PPP2R2B: variants seen among roughly 807,000 people sequenced by gnomAD.
PPP2R2B encodes protein phosphatase 2 regulatory subunit Bbeta.
In PPP2R2B, 5 loss-of-function variants were observed where a neutral mutation model predicts 46.0. That is an observed-to-expected ratio of 0.11 (90% confidence interval 0.06 to 0.23). PPP2R2B has a LOEUF of 0.23. Among genes scored for constraint, PPP2R2B ranks in the 10% least tolerant of loss-of-function variants. The pLI, the probability that PPP2R2B is intolerant of heterozygous loss-of-function variation, is 1.00. For synonymous variants in PPP2R2B, 215 were observed against 206.7 expected, an observed-to-expected ratio of 1.04 and a Z score of -0.34; for missense variants, 367 against 575.0, an observed-to-expected ratio of 0.64 and a Z score of 3.70.
chr5:146,670,056 T>C (rs1226859420), intron 5 of PPP2R2B, among the ~76,000 whole-genome samples: 1 of 152,186 alleles, frequency 6.6e-6, no homozygotes, highest in East Asian at 1.9e-4. Flanking sequence ...CACTTTTATA[T>C]CTTTCAGGTT....
intron 2 of PPP2R2B, among the ~76,000 whole-genome samples, chr5:146,745,817 G>T (rs1037567485): frequency 6.6e-6 from 1 of 152,144 alleles, no homozygotes; most frequent in Non-Finnish European, 1.5e-5. Context: ...AATCAGCCAG[G>T]CATGGTGGTG....
chr5:146,931,960 A>C (rs1372687016), intron 1 of PPP2R2B, among the ~76,000 whole-genome samples: 1 of 152,118 alleles, frequency 6.6e-6, no homozygotes, highest in African/African-American at 2.4e-5. Context: ...GATTCCCCCA[A>C]CCTCCAGCAG....
chr5:146,972,603 T>G (rs2151849253), intron 1 of PPP2R2B, among the ~76,000 whole-genome samples: 1 of 152,052 alleles, frequency 6.6e-6, no homozygotes, highest in East Asian at 1.9e-4. Context: ...TCCCAGCTAC[T>G]CAAGAGGCTG....
chr5:146,934,761 CTT>C (rs35055298), intron 1 of PPP2R2B, among the ~76,000 whole-genome samples: 4 of 144,852 alleles, frequency 2.8e-5, no homozygotes, highest in South Asian at 2.2e-4. Context: ...AGACCAAACT[CTT>C]TTTTTTTTTG....
chr5:147,019,833 G>T (rs1019919294), intron 1 of PPP2R2B, among the ~76,000 whole-genome samples: 3 of 152,152 alleles, frequency 2.0e-5, no homozygotes, highest in African/African-American at 7.2e-5. Context: ...GCCTTTCTCA[G>T]CCTCCGAGGC....
intron 2 of PPP2R2B, among the ~76,000 whole-genome samples, chr5:147,074,454 G>A (rs1188832138): frequency 1.3e-5 from 2 of 152,162 alleles, no homozygotes; most frequent in African/African-American, 2.4e-5. Flanking sequence ...GATCTGTGGG[G>A]TGAAGTTATA....
At chr5:147,039,644 T>C (rs1032588751) in intron 1 of PPP2R2B, among the ~76,000 whole-genome samples, 1 of 152,192 alleles carries the variant, frequency 6.6e-6, no homozygotes, top group Admixed American at 6.5e-5. Flanking sequence ...GAGGACCAAT[T>C]TGAAGGCAAC....
intron 2 of PPP2R2B, among the ~76,000 whole-genome samples, chr5:146,719,894 T>G (rs1780701393): frequency 6.6e-6 from 1 of 152,098 alleles, no homozygotes; most frequent in Non-Finnish European, 1.5e-5. Flanking sequence ...AAGCTGGCAT[T>G]CCCATATGGC....
intron 2 of PPP2R2B, among the ~76,000 whole-genome samples, chr5:146,726,779 C>T (rs1043482174): frequency 5.5e-4 from 84 of 152,240 alleles, no homozygotes; most frequent in African/African-American, 2.0e-3. Flanking sequence ...GTCTCTTTTG[C>T]TGTATAAATT....
chr5:146,851,878 C>A (rs1004836050), intron 2 of PPP2R2B, among the ~76,000 whole-genome samples: 1 of 151,712 alleles, frequency 6.6e-6, no homozygotes, highest in Admixed American at 6.6e-5. Flanking sequence ...GAAAATCTTA[C>A]GACATCTGTG....
intron 2 of PPP2R2B, among the ~76,000 whole-genome samples, chr5:146,832,330 G>A (rs1758992469): frequency 7.0e-6 from 1 of 143,640 alleles, no homozygotes; most frequent in Non-Finnish European, 1.5e-5. Flanking sequence ...AGTCCTGAAA[G>A]CTCCATTCAT....
At chr5:146,650,756 A>G in intron 5 of PPP2R2B, 32 bp from the exon 6 acceptor site, 2 of 1,590,242 alleles carry the variant, frequency 1.3e-6, no homozygotes. Flanking sequence ...TCACTTCAGA[A>G]CCAAAGATCT....
At chr5:146,820,245 T>C (rs5006710) in intron 2 of PPP2R2B, among the ~76,000 whole-genome samples, 9,154 of 152,272 alleles carry the variant, frequency 0.06, 807 homozygotes, top group East Asian at 0.42. Context: ...TGAGGTGATA[T>C]GTTAATTACC....
At chr5:147,022,580 T>G (rs1755334431) in intron 1 of PPP2R2B, among the ~76,000 whole-genome samples, 1 of 151,314 alleles carries the variant, frequency 6.6e-6, no homozygotes, top group Admixed American at 6.6e-5. Context: ...CCAAATTTAA[T>G]AAGAAAATAA....
chr5:146,746,907 A>G (rs996872716), intron 2 of PPP2R2B, among the ~76,000 whole-genome samples: 3 of 152,168 alleles, frequency 2.0e-5, no homozygotes, highest in African/African-American at 7.2e-5. Flanking sequence ...GGCCAACCTA[A>G]CAAGTTCATA....
At chr5:146,642,887 T>C (rs1173825752) in intron 6 of PPP2R2B, among the ~76,000 whole-genome samples, 2 of 152,150 alleles carry the variant, frequency 1.3e-5, no homozygotes, top group South Asian at 2.1e-4. Flanking sequence ...TGAAACCCTA[T>C]CTCTACCAAA....
At chr5:146,827,272 T>C (rs951202752) in intron 2 of PPP2R2B, among the ~76,000 whole-genome samples, 8 of 152,220 alleles carry the variant, frequency 5.3e-5, no homozygotes, top group Non-Finnish European at 8.8e-5. Flanking sequence ...GTGAATTTAT[T>C]TTATTTCAGA....
rs111365841 is a variant in PPP2R2B, at chr5:146,762,325, T to G, written c.71-61183A>C. On this transcript the variant is annotated intron_variant, in intron 2 of 9. Coordinates refer to ENST00000394411, the MANE Select transcript of PPP2R2B (RefSeq NM_181675.4). ...CTTGAATTCACTCACTTCAGCATTC[T>G]CTGAAGGCATCAGTTTCCCCATCTA... 8.9e-3 allele frequency among the ~76,000 whole-genome samples: 1,360 copies of G among 152,320 alleles called. 28 individuals carry two copies. Among genetic ancestry groups the G allele is most frequent in the African/African-American group, 0.031 (1,302 of 41,562 alleles).
chr5:147,051,832 G>A (rs759398011), intron 1 of PPP2R2B, among the ~76,000 whole-genome samples: 16 of 130,454 alleles, frequency 1.2e-4, no homozygotes, highest in South Asian at 2.4e-4. Context: ...GTGTGATCTC[G>A]GCTCACTGCA....
Sources: gnomAD v4.1 joint callset for allele counts (sites outside exome capture counted in the v4.1 genomes callset) on GRCh38, gnomAD v4.1.1 for gene constraint, MANE v1.5 for transcripts, NCBI Gene and HGNC (gene_info 2026-07-23, HGNC 2026-07-21) for gene names.